Variants in SHC3 observed in about 807,000 individuals in gnomAD.
SHC3 encodes the protein SHC adaptor protein 3, also known as SHC-transforming protein 3.
A neutral mutation model predicts 60.4 loss-of-function variants in SHC3; 15 were observed. The ratio of observed to expected loss-of-function variants is 0.25; its 90% CI spans 0.17 to 0.38. SHC3 has a LOEUF of 0.38. SHC3 is among the 10% of genes least tolerant of loss of function. The pLI, the probability that SHC3 is intolerant of heterozygous loss-of-function variation, is 1.00. For missense variants in SHC3, 677 were observed against 786.1 expected (o/e 0.86, Z 1.66); for synonymous variants, 294 against 325.9 (o/e 0.90, Z 1.05).
At chr9:89,110,655 G>T (rs1225868581) in intron 2 of SHC3, among the ~76,000 whole-genome samples, 1 of 152,208 alleles carries the variant, frequency 6.6e-6, no homozygotes, top group Non-Finnish European at 1.5e-5. Flanking sequence ...TGAAAATGAT[G>T]CAAGAGACAG....
intron 1 of SHC3, among the ~76,000 whole-genome samples, chr9:89,135,386 A>G (rs533244187): frequency 1.3e-5 from 2 of 152,292 alleles, no homozygotes; most frequent in East Asian, 1.9e-4. Context: ...ATTTGAGGGT[A>G]CAAACCCATG....
chr9:89,155,391 G>T (rs117318763), intron 1 of SHC3, among the ~76,000 whole-genome samples: 87 of 152,236 alleles, frequency 5.7e-4, no homozygotes, highest in Non-Finnish European at 1.0e-3. Context: ...CCAAGAAGAA[G>T]TTCAGTTGTC....
intron 1 of SHC3, among the ~76,000 whole-genome samples, chr9:89,126,558 T>G (rs1163330891): frequency 2.0e-5 from 3 of 152,202 alleles, no homozygotes; most frequent in Non-Finnish European, 4.4e-5. Context: ...AAAAGATCTC[T>G]TCGCTATGGA....
chr9:89,066,832 C>T (rs1400767051), intron 5 of SHC3, among the ~76,000 whole-genome samples: 1 of 152,100 alleles, frequency 6.6e-6, no homozygotes, highest in Non-Finnish European at 1.5e-5. Context: ...AAAAGCTCTC[C>T]AAGGAGAGAG....
Position 89,009,928 on chromosome 9 carries a change from C to T in SHC3, c.*3519G>A, listed in dbSNP as rs1373530716. ...CCACCTTCAGAATCCCAGCACCAGA[C>T]ATGGAGGTTGGGCTGGACACACATG... is the stretch of plus-strand genomic sequence containing the variant. On this transcript the variant is annotated 3_prime_UTR_variant, in exon 12 of 12. Coordinates refer to ENST00000375835, the MANE Select transcript of SHC3 (RefSeq NM_016848.6). The T allele has an allele frequency of 6.6e-6, 1 of 152,292 alleles. No homozygotes were observed. Among genetic ancestry groups the T allele is most frequent in the Non-Finnish European group, 1.5e-5 (1 of 68,070 alleles). The allele number at this position is 152,292 out of a possible 1,614,324, so 9.4% of individuals were successfully genotyped here.
chr9:89,063,193 G>T (rs574178863), intron 6 of SHC3, among the ~76,000 whole-genome samples: 1 of 152,104 alleles, frequency 6.6e-6, no homozygotes, highest in Admixed American at 6.5e-5. Context: ...GCAGTGGTGC[G>T]ATCTCGGCTC....
chr9:89,140,339 C>A (rs976736660), intron 1 of SHC3, among the ~76,000 whole-genome samples: 15 of 151,986 alleles, frequency 9.9e-5, no homozygotes, highest in East Asian at 7.7e-4. Context: ...ACAGATTCCC[C>A]CCCCCAGATT....
At chr9:89,085,956 T>C (rs1448360723) in intron 2 of SHC3, among the ~76,000 whole-genome samples, 3 of 152,214 alleles carry the variant, frequency 2.0e-5, no homozygotes, top group East Asian at 1.9e-4. Flanking sequence ...CCACCAGCCA[T>C]GGATCTGTAT....
intron 6 of SHC3, among the ~76,000 whole-genome samples, chr9:89,060,950 A>C (rs1392378745): frequency 1.3e-5 from 2 of 152,090 alleles, no homozygotes; most frequent in Non-Finnish European, 2.9e-5. Flanking sequence ...TTCAGGAGGA[A>C]AGTGCTGGAC....
intron 1 of SHC3, among the ~76,000 whole-genome samples, chr9:89,139,755 C>T (rs1826366400): frequency 1.3e-5 from 2 of 152,186 alleles, no homozygotes; most frequent in South Asian, 4.1e-4. Flanking sequence ...AACACCATTA[C>T]AGTCAAAGCG....
At chr9:89,073,203 G>A (rs1229554489) in intron 4 of SHC3, among the ~76,000 whole-genome samples, 1 of 152,150 alleles carries the variant, frequency 6.6e-6, no homozygotes, top group African/African-American at 2.4e-5. Flanking sequence ...TCTAAAACTG[G>A]AGTTTGGAAA....
intron 6 of SHC3, among the ~76,000 whole-genome samples, chr9:89,061,126 T>C (rs904775298): frequency 6.6e-6 from 1 of 152,166 alleles, no homozygotes; most frequent in African/African-American, 2.4e-5. Flanking sequence ...ACACTGCTCA[T>C]AATAGCCAAA....
intron 2 of SHC3, among the ~76,000 whole-genome samples, chr9:89,099,570 G>A (rs1428522952): frequency 6.6e-6 from 1 of 152,150 alleles, no homozygotes; most frequent in East Asian, 1.9e-4. Flanking sequence ...AAGGGATTGG[G>A]GAAAGGACTT....
At chr9:89,020,064 T>C (rs1039694430) in intron 11 of SHC3, among the ~76,000 whole-genome samples, 3 of 152,160 alleles carry the variant, frequency 2.0e-5, no homozygotes, top group African/African-American at 4.8e-5. Context: ...ACCTTTACTG[T>C]TAAAAATGTG....
At chr9:89,150,001 C>T (rs1826522806) in intron 1 of SHC3, among the ~76,000 whole-genome samples, 1 of 152,134 alleles carries the variant, frequency 6.6e-6, no homozygotes, top group African/African-American at 2.4e-5. Flanking sequence ...CATGGTACTG[C>T]AGTGCTGGTG....
chr9:89,133,703 T>C (rs569188532), intron 1 of SHC3, among the ~76,000 whole-genome samples: 2 of 152,118 alleles, frequency 1.3e-5, no homozygotes, highest in South Asian at 2.1e-4. Flanking sequence ...TAGGTGGAAA[T>C]TGAACAATGA....
intron 11 of SHC3, among the ~76,000 whole-genome samples, chr9:89,031,974 T>C (rs13287194): frequency 2.6e-5 from 4 of 151,820 alleles, no homozygotes; most frequent in Non-Finnish European, 1.5e-5. Flanking sequence ...AGCCCACGAG[T>C]TTCCTCCAGC....
chr9:89,114,875 C>G (rs1042354087), intron 1 of SHC3, among the ~76,000 whole-genome samples: 2 of 152,074 alleles, frequency 1.3e-5, no homozygotes, highest in Admixed American at 1.3e-4. Context: ...TGAATATAAT[C>G]CCCACCAGTA....
chr9:89,120,398 T>C (rs1826076252), intron 1 of SHC3, among the ~76,000 whole-genome samples: 1 of 151,870 alleles, frequency 6.6e-6, no homozygotes, highest in African/African-American at 2.4e-5. Flanking sequence ...TAGAAAAAAA[T>C]AGGCAAAGGG....
Sources: gnomAD v4.1 joint callset for allele counts (sites outside exome capture counted in the v4.1 genomes callset) on GRCh38, gnomAD v4.1.1 for gene constraint, MANE v1.5 for transcripts, NCBI Gene and HGNC (gene_info 2026-07-23, HGNC 2026-07-21) for gene names.